Variants in NTM observed in about 807,000 individuals in gnomAD.
NTM encodes neurotrimin, also known as IgLON family member 2.
NTM carries 13 observed loss-of-function variants against 42.1 expected under a neutral mutation model. That is an observed-to-expected ratio of 0.31 (90% CI 0.20 to 0.49). The LOEUF (loss-of-function observed/expected upper bound fraction) is 0.49, where lower values mean the gene tolerates loss of function less well. Among genes scored for constraint, NTM ranks in the 20% least tolerant of loss-of-function variants. NTM has a pLI of 0.99. For missense variants in NTM, 373 were observed against 452.8 expected (o/e 0.82, Z 1.60); for synonymous variants, 187 against 179.2 (o/e 1.04, Z -0.35).
At chr11:131,727,228 A>T (rs1359952506) in intron 1 of NTM, among the ~76,000 whole-genome samples, 2 of 145,104 alleles carry the variant, frequency 1.4e-5, no homozygotes, top group South Asian at 4.1e-4. Flanking sequence ...ATCTGGCTTC[A>T]AAAGCAACAA....
chr11:131,627,007 G>A (rs979161640), intron 1 of NTM, among the ~76,000 whole-genome samples: 2 of 152,204 alleles, frequency 1.3e-5, no homozygotes, highest in Non-Finnish European at 2.9e-5. Flanking sequence ...TGAGATGCGA[G>A]GATCTGGCGT....
intron 1 of NTM, among the ~76,000 whole-genome samples, chr11:131,844,248 C>G (rs1183876307): frequency 2.0e-5 from 3 of 152,128 alleles, no homozygotes; most frequent in African/African-American, 7.2e-5. Context: ...TTGTTGATTA[C>G]AGGAATCTGC....
At chr11:132,298,852 T>C (rs1266452109) in intron 4 of NTM, among the ~76,000 whole-genome samples, 5 of 152,210 alleles carry the variant, frequency 3.3e-5, no homozygotes, top group Non-Finnish European at 7.3e-5. Context: ...GGATCTATGA[T>C]AAATGTTTTG....
chr11:132,077,442 G>C (rs1207363017), intron 2 of NTM, among the ~76,000 whole-genome samples: 1 of 152,202 alleles, frequency 6.6e-6, no homozygotes, highest in Non-Finnish European at 1.5e-5. Context: ...AATACCAGCA[G>C]CTGTCTTTTG....
intron 7 of NTM, among the ~76,000 whole-genome samples, chr11:132,319,428 T>C (rs2095509233): frequency 6.6e-6 from 1 of 152,160 alleles, no homozygotes; most frequent in Non-Finnish European, 1.5e-5. Context: ...CCTAATACTG[T>C]GCTTTTCCAA....
intron 1 of NTM, among the ~76,000 whole-genome samples, chr11:131,839,963 C>T (rs1016030684): frequency 5.9e-5 from 9 of 152,172 alleles, no homozygotes; most frequent in Admixed American, 1.3e-4. Flanking sequence ...GATCTGACTA[C>T]AAGCCTTCAC....
At chr11:131,690,907 G>C (rs561829408) in intron 1 of NTM, among the ~76,000 whole-genome samples, 1 of 152,338 alleles carries the variant, frequency 6.6e-6, no homozygotes, top group South Asian at 2.1e-4. Context: ...AATGTCAAGG[G>C]GCGGGTGGAA....
At chr11:131,792,746 T>C (rs2091107363) in intron 1 of NTM, among the ~76,000 whole-genome samples, 1 of 152,178 alleles carries the variant, frequency 6.6e-6, no homozygotes, top group Non-Finnish European at 1.5e-5. Flanking sequence ...ATCTTTGAAT[T>C]GGTATTGCTT....
At chr11:132,038,520 T>C (rs955246487) in intron 2 of NTM, among the ~76,000 whole-genome samples, 36 of 152,088 alleles carry the variant, frequency 2.4e-4, no homozygotes, top group African/African-American at 8.2e-4. Flanking sequence ...TTTCCCTGAC[T>C]GTAAAGAGGG....
intron 1 of NTM, among the ~76,000 whole-genome samples, chr11:131,875,035 A>G (rs1376660426): frequency 6.6e-6 from 1 of 152,174 alleles, no homozygotes; most frequent in African/African-American, 2.4e-5. Context: ...AAGAATAGAG[A>G]CTTAAGCTGA....
intron 1 of NTM, among the ~76,000 whole-genome samples, chr11:131,430,476 CATT>C (rs1297907471): frequency 2.6e-5 from 4 of 152,090 alleles, no homozygotes; most frequent in African/African-American, 9.7e-5. Context: ...GTTCCAAGTC[CATT>C]AATAGCAGAA....
intron 2 of NTM, among the ~76,000 whole-genome samples, chr11:131,992,744 T>G (rs1346262234): frequency 6.6e-6 from 1 of 152,154 alleles, no homozygotes; most frequent in Non-Finnish European, 1.5e-5. Flanking sequence ...GGAAGTCTGT[T>G]TGGTTAGCTT....
chr11:132,211,875 GT>G, intron 3 of NTM, 146 bp from the exon 4 acceptor site: 1 of 665,938 alleles, frequency 1.5e-6, no homozygotes, highest in East Asian at 3.5e-5. Context: ...ACTTTTTTAT[GT>G]TTAAGGTAAT....
chr11:131,821,543 C>A lies in NTM; in HGVS notation c.83-90021C>A, dbSNP rs115912556. Among the ~76,000 whole-genome samples the A allele has an allele frequency of 4.2e-3, 637 of 152,338 alleles. 4 individuals are homozygous for A. Among genetic ancestry groups the A allele is most frequent in the African/African-American group, 0.015 (621 of 41,580 alleles). ...AAATACTTAACTTCTCAGATGCTGTCTCCTCATCTTTAAAATGGGAATGAT... is the reference window on the plus strand; with the variant it reads ...AAATACTTAACTTCTCAGATGCTGTATCCTCATCTTTAAAATGGGAATGAT... On this transcript the variant is annotated intron_variant, in intron 1 of 8. Coordinates refer to ENST00000683400, the MANE Select transcript of NTM (RefSeq NM_001352005.2).
chr11:131,594,143 A>G (rs1442571314), intron 1 of NTM, among the ~76,000 whole-genome samples: 1 of 152,238 alleles, frequency 6.6e-6, no homozygotes, highest in Non-Finnish European at 1.5e-5. Flanking sequence ...GTATCTCATG[A>G]CAATTGGATT....
chr11:131,815,858 G>A (rs73579939), intron 1 of NTM, among the ~76,000 whole-genome samples: 2 of 152,052 alleles, frequency 1.3e-5, no homozygotes, highest in Admixed American at 1.3e-4. Flanking sequence ...CGGTGGGAGC[G>A]GATTCCAGCG....
At chr11:132,318,349 G>A (rs1202303301) in intron 7 of NTM, among the ~76,000 whole-genome samples, 2 of 152,156 alleles carry the variant, frequency 1.3e-5, no homozygotes, top group African/African-American at 4.8e-5. Context: ...AATGGAGAAT[G>A]CATGTTACAA....
chr11:132,105,016 G>A (rs1040050527), intron 2 of NTM, among the ~76,000 whole-genome samples: 1 of 128,150 alleles, frequency 7.8e-6, no homozygotes, highest in Non-Finnish European at 1.6e-5. Flanking sequence ...AAATGAGGAG[G>A]GCAACATTTG....
At chr11:131,805,180 C>A (rs956151287) in intron 1 of NTM, among the ~76,000 whole-genome samples, 2 of 152,210 alleles carry the variant, frequency 1.3e-5, no homozygotes, top group African/African-American at 4.8e-5. Context: ...CAGCACCTAG[C>A]ATGGAATAAG....
Sources: allele counts gnomAD v4.1 joint callset (sites outside exome capture counted in the v4.1 genomes callset), GRCh38; gene constraint gnomAD v4.1.1; transcripts MANE v1.5; gene names NCBI Gene and HGNC (gene_info 2026-07-23, HGNC 2026-07-21).